ENTREP2: variants seen among roughly 807,000 people sequenced by gnomAD.
The protein encoded by ENTREP2 is endosomal transmembrane epsin interactor 2, also known as protein ENTREP2.
chr15:29,670,896 A>G, the ENTREP2 span, among the ~76,000 whole-genome samples: 1 of 152,164 alleles, frequency 6.6e-6, no homozygotes, highest in Non-Finnish European at 1.5e-5. Context: ...GAGAATAATG[A>G]ATGTTTTTTG....
the ENTREP2 span, among the ~76,000 whole-genome samples, chr15:29,277,055 A>G: frequency 6.6e-6 from 1 of 152,338 alleles, no homozygotes; most frequent in South Asian, 2.1e-4. Flanking sequence ...TATGGAAAGT[A>G]TATATGGGCC....
At chr15:29,270,370 A>T in the ENTREP2 span, among the ~76,000 whole-genome samples, 6,960 of 152,262 alleles carry the variant, frequency 0.046, 523 homozygotes, top group African/African-American at 0.16. Context: ...CTATTTCCGT[A>T]TTTATATTCT....
the ENTREP2 span, among the ~76,000 whole-genome samples, chr15:29,161,703 G>GT: frequency 2.6e-5 from 4 of 152,168 alleles, no homozygotes; most frequent in African/African-American, 7.2e-5. Flanking sequence ...CTTCTGAATT[G>GT]TAAGTTCAGA....
the ENTREP2 span, among the ~76,000 whole-genome samples, chr15:29,426,048 T>A: frequency 6.6e-6 from 1 of 150,818 alleles, no homozygotes; most frequent in African/African-American, 2.4e-5. Flanking sequence ...AGATAATTGA[T>A]TATTTTAATA....
chr15:29,156,989 C>G, the ENTREP2 span, among the ~76,000 whole-genome samples: 1 of 152,202 alleles, frequency 6.6e-6, no homozygotes, highest in African/African-American at 2.4e-5. Flanking sequence ...CCCAGCTACT[C>G]AGGAGGCTGA....
At chr15:29,634,035 G>T in the ENTREP2 span, among the ~76,000 whole-genome samples, 4 of 152,088 alleles carry the variant, frequency 2.6e-5, no homozygotes, top group Non-Finnish European at 5.9e-5. Flanking sequence ...GCCAGTGGTG[G>T]GGCTGTTACT....
At chr15:29,526,558 G>A in the ENTREP2 span, among the ~76,000 whole-genome samples, 3 of 151,944 alleles carry the variant, frequency 2.0e-5, no homozygotes, top group Admixed American at 6.6e-5. Flanking sequence ...CAAACTCCTG[G>A]GTTCAAGCAA....
chr15:29,479,076 G>A, the ENTREP2 span, among the ~76,000 whole-genome samples: 26 of 150,100 alleles, frequency 1.7e-4, no homozygotes, highest in East Asian at 1.2e-3. Context: ...GCGTGGTGGC[G>A]GGCGCCTGTA....
the ENTREP2 span, chr15:29,266,283 A>G: frequency 6.6e-6 from 1 of 152,244 alleles, no homozygotes; most frequent in Non-Finnish European, 1.5e-5. Context: ...AGATACTGAA[A>G]AGGCCAAGTG....
At chr15:29,538,213 C>T in the ENTREP2 span, among the ~76,000 whole-genome samples, 3 of 152,054 alleles carry the variant, frequency 2.0e-5, no homozygotes, top group African/African-American at 7.2e-5. Flanking sequence ...GGTGACTATG[C>T]ATGTGGTTGG....
the ENTREP2 span, among the ~76,000 whole-genome samples, chr15:29,501,679 T>C: frequency 1.3e-5 from 2 of 151,940 alleles, no homozygotes; most frequent in Non-Finnish European, 2.9e-5. Context: ...CAAAAAAGAA[T>C]GCTGTAGGCA....
At chr15:29,427,270 C>T in the ENTREP2 span, among the ~76,000 whole-genome samples, 1 of 152,126 alleles carries the variant, frequency 6.6e-6, no homozygotes, top group East Asian at 1.9e-4. Flanking sequence ...TCCTCTCCTC[C>T]ACTGTTCATA....
At chr15:29,424,246 C>G in the ENTREP2 span, among the ~76,000 whole-genome samples, 63 of 152,194 alleles carry the variant, frequency 4.1e-4, 1 homozygote, top group African/African-American at 1.4e-3. Flanking sequence ...CCTAAGTGGA[C>G]CCCATGGGGC....
chr15:29,404,426 G>C, the ENTREP2 span, among the ~76,000 whole-genome samples: 8 of 151,864 alleles, frequency 5.3e-5, no homozygotes, highest in African/African-American at 1.9e-4. Flanking sequence ...CACTGGCACA[G>C]GCAGAACTCC....
chr15:29,153,633 T>G, the ENTREP2 span, among the ~76,000 whole-genome samples: 1 of 152,204 alleles, frequency 6.6e-6, no homozygotes, highest in Non-Finnish European at 1.5e-5. Context: ...TTAAGTCCAT[T>G]ATATCTGAGT....
the ENTREP2 span, among the ~76,000 whole-genome samples, chr15:29,341,446 T>C: frequency 5.3e-5 from 8 of 152,222 alleles, no homozygotes; most frequent in Admixed American, 4.6e-4. Context: ...TACGGGCACA[T>C]TGGCCAGTGA....
the ENTREP2 span, among the ~76,000 whole-genome samples, chr15:29,154,447 A>G: frequency 2.7e-5 from 4 of 149,086 alleles, no homozygotes; most frequent in East Asian, 7.9e-4. Context: ...TCTCAAATCC[A>G]TGTCAGAAAT....
At chr15:29,461,243 A>G in the ENTREP2 span, among the ~76,000 whole-genome samples, 1 of 152,140 alleles carries the variant, frequency 6.6e-6, no homozygotes, top group East Asian at 1.9e-4. Flanking sequence ...TGCCAAGTTT[A>G]TTTAAACCTA....
chr15:29,266,965 G>GT, the ENTREP2 span: 9 of 152,360 alleles, frequency 5.9e-5, no homozygotes, highest in African/African-American at 2.2e-4. Flanking sequence ...GAGAATGCGA[G>GT]TATCAGAGGG....
Sources: gnomAD v4.1 joint callset for allele counts (sites outside exome capture counted in the v4.1 genomes callset) on GRCh38, gnomAD v4.1.1 for gene constraint, MANE v1.5 for transcripts, NCBI Gene and HGNC (gene_info 2026-07-23, HGNC 2026-07-21) for gene names.